The following ZNF490 variants were observed in gnomAD, a reference collection of about 807,000 sequenced individuals.
ZNF490 encodes zinc finger protein 490.
In ZNF490, 11 loss-of-function variants were observed where a neutral mutation model predicts 17.7. The ratio of observed to expected loss-of-function variants is 0.62; its 90% CI spans 0.39 to 1.03. The LOEUF is 1.03. Ranked by LOEUF, ZNF490 falls within the 50% of genes least tolerant of loss-of-function variation. The pLI is 0.00. For missense variants in ZNF490, 542 were observed against 643.4 expected, an observed-to-expected ratio of 0.84 and a Z score of 1.71; for synonymous variants, 222 against 216.1, an observed-to-expected ratio of 1.03 and a Z score of -0.24.
At chr19:12,591,599 T>C (rs936965899) in intron 2 of ZNF490, among the ~76,000 whole-genome samples, 3 of 151,796 alleles carry the variant, frequency 2.0e-5, no homozygotes, top group Admixed American at 2.0e-4. Context: ...CCAGAGAAGA[T>C]TTAGAGATGG....
chr19:12,602,623 CTTT>C (rs974396095), intron 2 of ZNF490, among the ~76,000 whole-genome samples: 6 of 138,614 alleles, frequency 4.3e-5, no homozygotes, highest in Admixed American at 7.2e-5. Context: ...ATGTATATTT[CTTT>C]TTTTTTTTTT....
intron 2 of ZNF490, among the ~76,000 whole-genome samples, chr19:12,594,076 T>C (rs2022903722): frequency 2.0e-5 from 3 of 152,160 alleles, no homozygotes; most frequent in African/African-American, 4.8e-5. Context: ...TAATGGCATA[T>C]AGTGTGGGGC....
In ZNF490 at chr19:12,576,571, T is replaced by C. The variant is rs183347728; in HGVS notation, c.*3914A>G. On this transcript the variant is annotated 3_prime_UTR_variant, in exon 5 of 5. Coordinates refer to ENST00000311437, the MANE Select transcript of ZNF490 (RefSeq NM_020714.3). ...GGCTCACGCCTGTAATCCCAGCACT[T>C]TGGGGAGACCGAGGTGGGTGGATCA... Among the ~76,000 whole-genome samples, 858 of 151,296 alleles carry C rather than the reference T, an allele frequency of 5.7e-3. 7 individuals are homozygous for C. Among genetic ancestry groups the C allele is most frequent in the African/African-American group, 0.02 (827 of 41,212 alleles).
At chr19:12,590,080 A>G (rs894045766) in intron 2 of ZNF490, among the ~76,000 whole-genome samples, 1 of 150,864 alleles carries the variant, frequency 6.6e-6, no homozygotes, top group African/African-American at 2.4e-5. Context: ...ACGCCCCGCT[A>G]ATTTTTTTGT....
intron 2 of ZNF490, among the ~76,000 whole-genome samples, chr19:12,590,803 TGTG>T (rs1474196137): frequency 2.0e-5 from 3 of 151,944 alleles, no homozygotes; most frequent in African/African-American, 7.2e-5. Context: ...GGCAGCTGGG[TGTG>T]GTGGCTCACG....
intron 2 of ZNF490, among the ~76,000 whole-genome samples, chr19:12,607,903 T>C (rs2023090351): frequency 6.6e-6 from 1 of 152,102 alleles, no homozygotes; most frequent in Admixed American, 6.6e-5. Context: ...AACTTAAGGA[T>C]TGGCTTATTG....
chr19:12,606,196 T>C (rs1174747583), intron 2 of ZNF490, among the ~76,000 whole-genome samples: 1 of 151,370 alleles, frequency 6.6e-6, no homozygotes, highest in Non-Finnish European at 1.5e-5. Flanking sequence ...AGGATTTTTT[T>C]TTTTTTTCAT....
At chr19:12,610,301 C>A (rs1042835379) in intron 1 of ZNF490, among the ~76,000 whole-genome samples, 1 of 145,520 alleles carries the variant, frequency 6.9e-6, no homozygotes, top group Non-Finnish European at 1.5e-5. Flanking sequence ...AGCCCACCCA[C>A]CCCCCGACCT....
In ZNF490 at chr19:12,578,467, C is replaced by A; in HGVS notation, c.*2018G>T. 1.0e-6 allele frequency: 1 copy of A among 985,358 alleles called. No homozygotes were observed. Among genetic ancestry groups the A allele is most frequent in the African/African-American group, 1.7e-5 (1 of 57,336 alleles). The allele number at this position is 985,358 out of a possible 1,614,324, so 61.0% of individuals were successfully genotyped here. Reference sequence around the variant, plus strand: ...CTCACCTCAGAGCCACCTGCGGTTGCCACAGAGAAATTCAGATGTGAATGT... The same window carrying A: ...CTCACCTCAGAGCCACCTGCGGTTGACACAGAGAAATTCAGATGTGAATGT... On this transcript the variant is annotated 3_prime_UTR_variant, in exon 5 of 5. Coordinates refer to ENST00000311437, the MANE Select transcript of ZNF490 (RefSeq NM_020714.3).
chr19:12,602,900 A>G (rs928417587), intron 2 of ZNF490, among the ~76,000 whole-genome samples: 1 of 152,068 alleles, frequency 6.6e-6, no homozygotes, highest in African/African-American at 2.4e-5. Flanking sequence ...TGCTGGGATT[A>G]CAGGTGTGAG....
chr19:12,608,851 C>T (rs2023104715), intron 2 of ZNF490, among the ~76,000 whole-genome samples: 1 of 152,044 alleles, frequency 6.6e-6, no homozygotes, highest in African/African-American at 2.4e-5. Flanking sequence ...CTCAAGCAAT[C>T]CTCCTACCTC....
intron 4 of ZNF490, 64 bp downstream of exon 4, chr19:12,582,786 T>C (rs2022755700): frequency 1.3e-5 from 18 of 1,356,422 alleles, no homozygotes; most frequent in Non-Finnish European, 1.8e-5. Context: ...TGCTTGGCTT[T>C]TGAAATTTAT....
Position 12,581,113 on chromosome 19 carries a change from A to G in ZNF490, c.962T>C (p.Leu321Ser). 2.5e-6 allele frequency: 4 copies of G among 1,614,182 alleles called. No homozygotes were observed. Among genetic ancestry groups the G allele is most frequent in the Non-Finnish European group, 3.4e-6 (4 of 1,180,032 alleles). The change falls in exon 5 of 5, where the codon TTA (leucine) becomes TCA (serine). Residue 321 changes from leucine (L) to serine (S), a missense_variant. Transcript: ENST00000311437. The stretch of plus-strand genomic sequence containing the variant: ...AGTATGAGTTTTCTCATGACTCCGT[A>G]AGTACGTGGGACAACTGAAGGCTTT... ...CGKAFSCPTY[L>S]RSHEKTHTGE... is the part of the protein sequence containing the mutation.
intron 2 of ZNF490, among the ~76,000 whole-genome samples, chr19:12,600,527 G>GTAT (rs1442036819): frequency 6.6e-6 from 1 of 151,990 alleles, no homozygotes; most frequent in African/African-American, 2.4e-5. Flanking sequence ...TATGTTATTG[G>GTAT]TATGTGTTCC....
intron 2 of ZNF490, among the ~76,000 whole-genome samples, chr19:12,602,623 CTTTTTTTTTT>C (rs974396095): frequency 7.2e-6 from 1 of 138,626 alleles, no homozygotes; most frequent in Non-Finnish European, 1.6e-5. Context: ...ATGTATATTT[CTTTTTTTTTT>C]TTTTTGTCGA....
At chr19:12,601,549 T>C (rs1378002530) in intron 2 of ZNF490, among the ~76,000 whole-genome samples, 1 of 152,058 alleles carries the variant, frequency 6.6e-6, no homozygotes, top group East Asian at 1.9e-4. Context: ...GCCACAAACC[T>C]GGCTAATTTT....
intron 2 of ZNF490, among the ~76,000 whole-genome samples, chr19:12,605,482 T>TC (rs1403521574): frequency 1.2e-5 from 1 of 82,424 alleles, no homozygotes; most frequent in African/African-American, 5.6e-5. Context: ...CCCTGCTCTA[T>TC]TAAAAAAAAA....
In ZNF490 at chr19:12,580,094, C is replaced by A; in HGVS notation, c.*391G>T. On this transcript the variant is annotated 3_prime_UTR_variant, in exon 5 of 5. Coordinates refer to ENST00000311437, the MANE Select transcript of ZNF490 (RefSeq NM_020714.3). ...TGCACTCCAGCCTGGGCAACAAGAG[C>A]AAAATTACATCTCAACAAAAACAAA... 6 of 984,986 alleles carry A rather than the reference C, an allele frequency of 6.1e-6. No individual in the cohort carries two copies. The highest frequency in any genetic ancestry group is 7.3e-6 in the Non-Finnish European group (6 of 827,356). The allele number at this position is 984,986 out of a possible 1,614,324, so 61.0% of individuals were successfully genotyped here. A position where few individuals can be genotyped will look rare whatever the true frequency, so the allele number is the denominator to read the frequency against.
At chr19:12,603,238 C>G (rs527933972) in intron 2 of ZNF490, among the ~76,000 whole-genome samples, 1 of 152,146 alleles carries the variant, frequency 6.6e-6, no homozygotes, top group African/African-American at 2.4e-5. Context: ...TGTAATCCCA[C>G]CATGTTGGGA....
Sources: allele counts gnomAD v4.1 joint callset (sites outside exome capture counted in the v4.1 genomes callset), GRCh38; gene constraint gnomAD v4.1.1; transcripts MANE v1.5; gene names NCBI Gene and HGNC (gene_info 2026-07-23, HGNC 2026-07-21).